Variants in GRID2 observed in about 807,000 individuals in gnomAD.
GRID2 encodes glutamate ionotropic receptor delta type subunit 2.
GRID2 carries 33 observed loss-of-function variants against 114.8 expected under a neutral mutation model. The observed-to-expected ratio is 0.29, with a 90% CI of 0.22 to 0.38. The LOEUF (loss-of-function observed/expected upper bound fraction) is 0.38, where lower values mean the gene tolerates loss of function less well. Ranked by LOEUF, GRID2 falls within the 10% of genes least tolerant of loss-of-function variation. The pLI, the probability that GRID2 is intolerant of heterozygous loss-of-function variation, is 1.00. For missense variants in GRID2, 1,184 were observed against 1,257.7 expected (o/e 0.94, Z 0.89); for synonymous variants, 505 against 449.9 (o/e 1.12, Z -1.55).
intron 11 of GRID2, among the ~76,000 whole-genome samples, chr4:93,472,708 A>G (rs1724959817): frequency 1.3e-5 from 2 of 152,186 alleles, no homozygotes; most frequent in Non-Finnish European, 2.9e-5. Flanking sequence ...GCTCAGGTAG[A>G]ACACAAAGAA....
intron 10 of GRID2, among the ~76,000 whole-genome samples, chr4:93,443,640 G>T (rs935884138): frequency 6.6e-6 from 1 of 151,918 alleles, no homozygotes. Context: ...CATGAGCAGG[G>T]TTGCAGCACA....
intron 2 of GRID2, among the ~76,000 whole-genome samples, chr4:92,901,053 T>C (rs1747548156): frequency 6.6e-6 from 1 of 152,024 alleles, no homozygotes; most frequent in African/African-American, 2.4e-5. Context: ...GCAGGTATAT[T>C]TTATACAATA....
intron 1 of GRID2, among the ~76,000 whole-genome samples, chr4:93,790,520 T>C (rs1433310617): frequency 6.7e-6 from 1 of 149,316 alleles, no homozygotes; most frequent in African/African-American, 2.5e-5. Context: ...CTTCTTTAGG[T>C]TAGCCCTCAA....
chr4:93,269,927 A>G (rs1256781734), intron 8 of GRID2, among the ~76,000 whole-genome samples: 1 of 152,152 alleles, frequency 6.6e-6, no homozygotes, highest in African/African-American at 2.4e-5. Context: ...TATGATTTCT[A>G]TAATCCTTTA....
intron 13 of GRID2, among the ~76,000 whole-genome samples, chr4:93,610,695 G>A (rs1445162217): frequency 2.8e-5 from 1 of 35,996 alleles, no homozygotes; most frequent in Non-Finnish European, 5.2e-5. Context: ...GCTTTTTGAT[G>A]TGCTGCTGGA....
intron 8 of GRID2, among the ~76,000 whole-genome samples, chr4:93,309,844 T>A: frequency 6.6e-6 from 1 of 152,154 alleles, no homozygotes; most frequent in East Asian, 1.9e-4. Flanking sequence ...TGAGACCTAT[T>A]CCCCTTATGA....
At position 92,620,660 on chromosome 4, in the gene GRID2, C is replaced by T. The variant is rs541053901; in HGVS notation, c.244+30374C>T. 5.9e-5 allele frequency among the ~76,000 whole-genome samples: 9 copies of T among 151,650 alleles called. No homozygotes were observed. In the South Asian group the frequency reaches 1.0e-3, roughly 17 times the overall value. On this transcript the variant is annotated intron_variant, in intron 2 of 15. Transcript: ENST00000282020. The stretch of plus-strand genomic sequence containing the variant: ...TGAGTTTTATGTAAATTATTAGTTA[C>T]TCCTTACATAACACTTTGCATATAA...
intron 1 of GRID2, among the ~76,000 whole-genome samples, chr4:92,455,737 C>T (rs1214067862): frequency 6.6e-6 from 1 of 152,062 alleles, no homozygotes; most frequent in Admixed American, 6.6e-5. Flanking sequence ...CTAAATGCAT[C>T]CTCATGTAAC....
rs773668647 is a variant in GRID2 at position 93,216,794 on chromosome 4, G to C, written c.846G>C (p.Thr282=). 20 of 1,612,456 alleles carry C rather than the reference G, an allele frequency of 1.2e-5. No homozygotes were observed. The highest frequency in any genetic ancestry group is 1.7e-5 in the Non-Finnish European group (20 of 1,178,574). The part of the protein sequence containing the change: ...ELVRRSIGRL[T]IIRQTFPVPQ... ...TAAGAAGGTCAATTGGAAGGTTAAC[G>C]ATTATTCGGCAGACATTTCCAGTTC... Residue 282 remains threonine, a synonymous_variant, in exon 6 of 16, where the codon ACG becomes ACC. Coordinates refer to ENST00000282020, the MANE Select transcript of GRID2 (RefSeq NM_001510.4).
At chr4:93,493,019 T>C (rs1242735578) in intron 12 of GRID2, among the ~76,000 whole-genome samples, 1 of 151,908 alleles carries the variant, frequency 6.6e-6, no homozygotes, top group Non-Finnish European at 1.5e-5. Flanking sequence ...TGTGTTTGGC[T>C]TATTTCACCT....
intron 14 of GRID2, among the ~76,000 whole-genome samples, chr4:93,725,318 A>C (rs921568959): frequency 2.0e-5 from 3 of 152,084 alleles, no homozygotes; most frequent in Admixed American, 6.5e-5. Context: ...TGAACTCATC[A>C]TTTTTTATGG....
intron 13 of GRID2, among the ~76,000 whole-genome samples, chr4:93,587,192 G>C (rs1271322648): frequency 6.6e-6 from 1 of 152,034 alleles, no homozygotes; most frequent in African/African-American, 2.4e-5. Context: ...ACTGAGCACA[G>C]CCTATATAAC....
At chr4:93,203,900 A>C (rs1742380385) in intron 4 of GRID2, 1 of 152,166 alleles carries the variant, frequency 6.6e-6, no homozygotes, top group Admixed American at 6.6e-5. Flanking sequence ...TCAGGTTTGA[A>C]AGTGGCGTAC....
chr4:93,742,523 G>C (rs1296375359), intron 14 of GRID2, among the ~76,000 whole-genome samples: 1 of 152,204 alleles, frequency 6.6e-6, no homozygotes, highest in Non-Finnish European at 1.5e-5. Context: ...TGTCAACCCT[G>C]CAAGTCTATC....
Position 93,358,294 on chromosome 4 carries a change from C to A in GRID2, c.1246-37313C>A, listed in dbSNP as rs1761540256. Among the ~76,000 whole-genome samples, 8 of 151,728 alleles carry A rather than the reference C, an allele frequency of 5.3e-5. No individual in the cohort carries two copies. In the South Asian group the frequency reaches 1.7e-3, roughly 31 times the overall value. Reference sequence around the variant, plus strand: ...TTAATTAACAGTAGCAAAAATGACTCTTTTCTTGTTCCTGATTTTAATGAG... The same window carrying A: ...TTAATTAACAGTAGCAAAAATGACTATTTTCTTGTTCCTGATTTTAATGAG... On this transcript the variant is annotated intron_variant, in intron 8 of 15. Coordinates refer to ENST00000282020, the MANE Select transcript of GRID2 (RefSeq NM_001510.4).
At position 92,593,688 on chromosome 4, in the gene GRID2, CAA is replaced by C. The variant is rs569184601; in HGVS notation, c.244+3405_244+3406del. Among the ~76,000 whole-genome samples, 12 of 151,784 alleles carry C rather than the reference CAA, an allele frequency of 7.9e-5. No homozygotes were observed. The South Asian group carries it at 2.5e-3, about 31-fold the overall frequency. On this transcript the variant is annotated intron_variant, in intron 2 of 15. Coordinates refer to ENST00000282020, the MANE Select transcript of GRID2 (RefSeq NM_001510.4). ...TAATAGAAAAAAATTTCTGTTTTCA[CAA>C]AAGTTATCTGGAAATAAATTACCTA...
chr4:93,483,979 T>C (rs1726122652), intron 11 of GRID2, among the ~76,000 whole-genome samples: 1 of 151,862 alleles, frequency 6.6e-6, no homozygotes, highest in African/African-American at 2.4e-5. Flanking sequence ...CTTTACCTAA[T>C]TCTCTCTTCT....
At chr4:92,802,393 T>A (rs879280199) in intron 2 of GRID2, among the ~76,000 whole-genome samples, 2 of 151,928 alleles carry the variant, frequency 1.3e-5, no homozygotes, top group African/African-American at 2.4e-5. Context: ...ATATCCACCA[T>A]TATAGTGTTA....
chr4:92,817,704 T>C (rs566315598), intron 2 of GRID2, among the ~76,000 whole-genome samples: 1 of 149,336 alleles, frequency 6.7e-6, no homozygotes, highest in Admixed American at 6.7e-5. Context: ...ATATTTGGCT[T>C]TTTTTTTTTG....
Sources: gnomAD v4.1 joint callset for allele counts (sites outside exome capture counted in the v4.1 genomes callset) on GRCh38, gnomAD v4.1.1 for gene constraint, MANE v1.5 for transcripts, NCBI Gene and HGNC (gene_info 2026-07-23, HGNC 2026-07-21) for gene names.